BCL2: variants seen among roughly 807,000 people sequenced by gnomAD.
BCL2 encodes apoptosis regulator Bcl-2.
Under a neutral mutation model 14.2 loss-of-function variants are expected in BCL2, and 1 was observed. That is an observed-to-expected ratio of 0.07 (90% CI 0.02 to 0.33). The LOEUF (loss-of-function observed/expected upper bound fraction) is 0.33. BCL2 is among the 10% of genes least tolerant of loss of function. The pLI is 0.99. For missense variants in BCL2, 247 were observed against 305.9 expected (o/e 0.81, Z 1.44); for synonymous variants, 151 against 137.2 (o/e 1.10, Z -0.70).
chr18:63,141,164 A>G (rs536175677), intron 2 of BCL2, among the ~76,000 whole-genome samples: 12 of 152,242 alleles, frequency 7.9e-5, no homozygotes, highest in Non-Finnish European at 1.3e-4. Flanking sequence ...ACCTCTAAGA[A>G]GTCTCTCTCC....
At chr18:63,276,467 C>G (rs914965706) in intron 2 of BCL2, among the ~76,000 whole-genome samples, 1 of 152,158 alleles carries the variant, frequency 6.6e-6, no homozygotes, top group African/African-American at 2.4e-5. Context: ...ATGGGATGGT[C>G]TAGCACAAGC....
At chr18:63,265,142 G>A (rs745520694) in intron 2 of BCL2, among the ~76,000 whole-genome samples, 3 of 152,296 alleles carry the variant, frequency 2.0e-5, no homozygotes, top group Middle Eastern at 6.8e-3. Context: ...ATCAAAGTGA[G>A]CACTCGAGTC....
At chr18:63,166,611 T>C (rs147638987) in intron 2 of BCL2, among the ~76,000 whole-genome samples, 170 of 152,352 alleles carry the variant, frequency 1.1e-3, no homozygotes, top group African/African-American at 4.0e-3. Flanking sequence ...AGTATAATAA[T>C]GAACTGGTGT....
intron 2 of BCL2, among the ~76,000 whole-genome samples, chr18:63,253,304 C>G (rs759047491): frequency 2.4e-4 from 37 of 152,148 alleles, no homozygotes; most frequent in Admixed American, 7.2e-4. Context: ...CCATACTGCT[C>G]ACACCTGACA....
intron 2 of BCL2, among the ~76,000 whole-genome samples, chr18:63,205,145 G>C (rs1909801317): frequency 6.6e-6 from 1 of 152,138 alleles, no homozygotes; most frequent in South Asian, 2.1e-4. Flanking sequence ...AGATAGAAAT[G>C]ACAAAGCTTG....
Position 63,318,207 on chromosome 18 carries a change from C to A in BCL2, c.460G>T (p.Gly154Cys). The A allele has an allele frequency of 3.7e-6, 6 of 1,614,212 alleles. No individual in the cohort carries two copies. Among genetic ancestry groups the A allele is most frequent in the Non-Finnish European group, 5.1e-6 (6 of 1,180,040 alleles). ...ACGCTCTCCACACACATGACCCCAC[C>A]GAACTCAAAGAAGGCCACAATCCTC... ...WGRIVAFFEF[G>C]GVMCVESVNR... The change falls in exon 2 of 3, where the codon GGT becomes TGT. Residue 154 changes from glycine to cysteine, a missense_variant. This residue lies in a region of BCL2 where 67 missense variants were observed against 145.7 expected (regional missense o/e 0.46). Coordinates refer to ENST00000333681, the MANE Select transcript of BCL2 (RefSeq NM_000633.3). This position sits in a 1 kb window ranked among gnomAD's most constrained non-coding sequence, Gnocchi z 7.4.
chr18:63,124,841 G>A lies in BCL2; in HGVS notation c.*3784C>T, dbSNP rs1192779167. ...ATTTCCTTAGAATGGCTTGTATTTC[G>A]AGCCTTTCCTGTTTTTCTCTGATAG... On this transcript the variant is annotated 3_prime_UTR_variant, in exon 3 of 3. Transcript: ENST00000333681. 1.8e-5 allele frequency: 4 copies of A among 227,868 alleles called. No individual in the cohort carries two copies. Among genetic ancestry groups the A allele is most frequent in the South Asian group, 1.8e-4 (1 of 5,482 alleles). The allele number at this position is 227,868 out of a possible 1,614,324, so 14.1% of individuals were successfully genotyped here.
At chr18:63,307,007 C>A (rs927000851) in intron 2 of BCL2, among the ~76,000 whole-genome samples, 1 of 152,122 alleles carries the variant, frequency 6.6e-6, no homozygotes, top group African/African-American at 2.4e-5. Context: ...TCCCACTTCC[C>A]CAGGGCCTGG....
At chr18:63,243,005 T>C (rs982981412) in intron 2 of BCL2, among the ~76,000 whole-genome samples, 12 of 152,144 alleles carry the variant, frequency 7.9e-5, no homozygotes, top group African/African-American at 2.4e-4. Context: ...TAACATGGAT[T>C]GGGTAAGGTA....
chr18:63,137,101 A>G (rs116979655), intron 2 of BCL2, among the ~76,000 whole-genome samples: 4,179 of 152,298 alleles, frequency 0.027, 90 homozygotes, highest in South Asian at 0.052. Context: ...TTCAGAATCA[A>G]ATCTGTTGCT....
chr18:63,218,311 T>C (rs1442366271), intron 2 of BCL2, among the ~76,000 whole-genome samples: 2 of 152,088 alleles, frequency 1.3e-5, no homozygotes, highest in Non-Finnish European at 2.9e-5. Context: ...AGTCTATTGG[T>C]AGGAACAGCC....
chr18:63,305,172 G>A (rs977587955), intron 2 of BCL2, among the ~76,000 whole-genome samples: 12 of 152,328 alleles, frequency 7.9e-5, no homozygotes, highest in Middle Eastern at 3.4e-3. Flanking sequence ...AGGCTGAATC[G>A]AAGAAGGGAA....
At chr18:63,173,354 ACT>A (rs1915272672) in intron 2 of BCL2, among the ~76,000 whole-genome samples, 1 of 152,180 alleles carries the variant, frequency 6.6e-6, no homozygotes, top group East Asian at 1.9e-4. Flanking sequence ...AAAAACACCG[ACT>A]CTACCTGAAC....
rs552032660 is a variant in BCL2 at position 63,233,152 on chromosome 18, AC to A, written c.585+84929del. Reference sequence around the variant, plus strand: ...CACTAAACCCACTCATGAGGGCTCTACCCTTGTGACCTAATCACCTCCAAAA... The same window carrying A: ...CACTAAACCCACTCATGAGGGCTCTACCTTGTGACCTAATCACCTCCAAAA... On this transcript the variant is annotated intron_variant, in intron 2 of 2. Coordinates refer to ENST00000333681, the MANE Select transcript of BCL2 (RefSeq NM_000633.3). Among the ~76,000 whole-genome samples, 27 of 152,254 alleles carry A rather than the reference AC, an allele frequency of 1.8e-4. No individual in the cohort carries two copies. In the East Asian group the frequency reaches 4.3e-3, roughly 24 times the overall value.
At chr18:63,237,004 C>T (rs1181119539) in intron 2 of BCL2, among the ~76,000 whole-genome samples, 3 of 152,182 alleles carry the variant, frequency 2.0e-5, no homozygotes, top group East Asian at 1.9e-4. Flanking sequence ...ATTATTTGCA[C>T]GTGGTTTTGA....
intron 2 of BCL2, among the ~76,000 whole-genome samples, chr18:63,133,249 C>T (rs186697515): frequency 1.2e-4 from 18 of 152,074 alleles, no homozygotes; most frequent in African/African-American, 4.3e-4. Flanking sequence ...CCCCTCCGGG[C>T]CATGGAGCAC....
intron 2 of BCL2, among the ~76,000 whole-genome samples, chr18:63,229,034 T>G (rs1428189067): frequency 1.3e-5 from 2 of 152,254 alleles, no homozygotes; most frequent in Non-Finnish European, 2.9e-5. Context: ...TTTTGAGGGA[T>G]AAAGAGGATC....
At chr18:63,208,337 C>T (rs1909901691) in intron 2 of BCL2, among the ~76,000 whole-genome samples, 1 of 152,128 alleles carries the variant, frequency 6.6e-6, no homozygotes, top group African/African-American at 2.4e-5. Context: ...ACACTGTACC[C>T]CCCACCCCCG....
At chr18:63,310,594 A>G (rs1794573627) in intron 2 of BCL2, among the ~76,000 whole-genome samples, 1 of 152,170 alleles carries the variant, frequency 6.6e-6, no homozygotes, top group Non-Finnish European at 1.5e-5. Flanking sequence ...GTTATCTTAG[A>G]CATTTTTTCG....
Sources: allele counts gnomAD v4.1 joint callset (sites outside exome capture counted in the v4.1 genomes callset), GRCh38; gene constraint gnomAD v4.1.1; regional missense constraint gnomAD v4.1.1; non-coding constraint Gnocchi (gnomAD v3.1); transcripts MANE v1.5; gene names NCBI Gene and HGNC (gene_info 2026-07-23, HGNC 2026-07-21).